Variants in TJP3 observed in about 807,000 individuals in gnomAD.
TJP3 encodes tight junction protein ZO-3.
Under a neutral mutation model 104.2 loss-of-function variants are expected in TJP3, and 85 were observed. The ratio of observed to expected loss-of-function variants is 0.82; its 90% confidence interval spans 0.68 to 0.98. The LOEUF (loss-of-function observed/expected upper bound fraction) is 0.98, where lower values mean the gene tolerates loss of function less well. Ranked by LOEUF, TJP3 falls within the 50% of genes least tolerant of loss-of-function variation. TJP3 has a pLI of 0.00. For missense variants in TJP3, 1,367 were observed against 1,322.8 expected (o/e 1.03, Z -0.52); for synonymous variants, 550 against 550.6 (o/e 1.00, Z 0.02).
At chr19:3,736,139 G>T in intron 10 of TJP3, 26 bp from the exon 11 acceptor site, 1 of 1,570,414 alleles carries the variant, frequency 6.4e-7, no homozygotes. Flanking sequence ...ACTCTGCTCT[G>T]ACCCCATCTC....
Position 3,738,988 on chromosome 19 carries a change from C to T in TJP3, c.1485C>T (p.Gly495=). 6.2e-7 allele frequency: 1 copy of T among 1,613,286 alleles called. No homozygotes were observed. The highest frequency in any genetic ancestry group is 1.1e-5 in the South Asian group (1 of 91,026). Residue 495 remains glycine, a synonymous_variant, in exon 13 of 21, where the codon GGC becomes GGT. Transcript: ENST00000541714. The part of the protein sequence containing the change: ...ELEPSPPSGL[G]FTRGDVFHVL... ...AGCCCAGTCCACCGTCTGGCCTGGG[C>T]TTCACCCGTGGCGACGTCTTCCACG... is the stretch of plus-strand genomic sequence containing the variant.
chr19:3,730,907 T>C lies in TJP3; in HGVS notation c.613+201T>C, dbSNP rs10408335. Among the ~76,000 whole-genome samples the C allele has an allele frequency of 0.067, 10,206 of 152,168 alleles. 1,091 individuals are homozygous for C. The highest frequency in any genetic ancestry group is 0.23 in the African/African-American group (9,676 of 41,474). Reference sequence around the variant, plus strand: ...TGTTGGCAAGGATGGTTTCGAATTCTTGACCTCAGGTGATTCACCCACCTC... The same window carrying C: ...TGTTGGCAAGGATGGTTTCGAATTCCTGACCTCAGGTGATTCACCCACCTC... On this transcript the variant is annotated intron_variant, in intron 5 of 20. Transcript: ENST00000541714. This position sits in a 1 kb window ranked among gnomAD's most constrained non-coding sequence, Gnocchi z 7.3.
Position 3,728,631 on chromosome 19 carries a change from A to G in TJP3, c.76A>G (p.Ile26Val). ...CCCCCGCCGGGGCTTTGGCATTGCG[A>G]TCTCTGGAGGCCGAGACCGGCCCGG... Reference protein sequence around the residue: ...KDPRRGFGIAISGGRDRPGGS... With the variant: ...KDPRRGFGIAVSGGRDRPGGS... The change falls in exon 3 of 21, where the codon ATC (isoleucine) becomes GTC (valine). Residue 26 changes from isoleucine to valine, a missense_variant. Physicochemically the swap from Ile to Val is conservative, Grantham distance 29. Transcript: ENST00000541714. 1 of 1,613,516 alleles carries G rather than the reference A, an allele frequency of 6.2e-7. No individual in the cohort carries two copies. Among genetic ancestry groups the G allele is most frequent in the Non-Finnish European group, 8.5e-7 (1 of 1,179,928 alleles).
Position 3,747,998 on chromosome 19 carries a change from G to A in TJP3, c.2527G>A (p.Ala843Thr), listed in dbSNP as rs956786058. ...VDDEPPAPAL[A>T]RSSEPVQADE... is the part of the protein sequence containing the mutation. ...TGATGAGCCCCCGGCTCCAGCCCTG[G>A]CCCGGTCCTCGGAGCCCGTGCAGGC... The change falls in exon 19 of 21, where the codon GCC becomes ACC. Residue 843 changes from alanine (A) to threonine (T), a missense_variant. Coordinates refer to ENST00000541714, the MANE Select transcript of TJP3 (RefSeq NM_001267560.2). 6 of 1,610,752 alleles carry A rather than the reference G, an allele frequency of 3.7e-6. No homozygotes were observed. Among genetic ancestry groups the A allele is most frequent in the Middle Eastern group, 1.6e-4 (1 of 6,062 alleles).
intron 1 of TJP3, among the ~76,000 whole-genome samples, chr19:3,725,144 C>T (rs575113809): frequency 1.3e-5 from 2 of 152,232 alleles, no homozygotes; most frequent in Non-Finnish European, 2.9e-5. Flanking sequence ...TGCCTGTGGT[C>T]CCAGCTACCT....
chr19:3,740,279 G>A (rs2036795840), intron 13 of TJP3, among the ~76,000 whole-genome samples: 1 of 150,926 alleles, frequency 6.6e-6, no homozygotes, highest in Admixed American at 6.6e-5. Context: ...GTGGTGGCGG[G>A]CACCTGTAAT....
At chr19:3,712,088 G>C (rs1430981795) in intron 1 of TJP3, among the ~76,000 whole-genome samples, 1 of 152,172 alleles carries the variant, frequency 6.6e-6, no homozygotes, top group African/African-American at 2.4e-5. Context: ...GGCCAAGGCA[G>C]GTGGGTCACT....
chr19:3,730,786 T>C lies in TJP3; in HGVS notation c.613+80T>C. 22 of 1,431,160 alleles carry C rather than the reference T, an allele frequency of 1.5e-5. No individual in the cohort carries two copies. Among genetic ancestry groups the C allele is most frequent in the Non-Finnish European group, 2.0e-5 (22 of 1,073,622 alleles). 88.7% of individuals were successfully genotyped at this position (1,431,160 alleles called of 1,614,324 possible). ...TCGGATGGGCGACGGTTTCAAGTGA[T>C]TCTCCTGCCTCAGCCTCCCTGGTGG... On this transcript the variant is annotated intron_variant, in intron 5 of 20. Coordinates refer to ENST00000541714, the MANE Select transcript of TJP3 (RefSeq NM_001267560.2). This position sits in a 1 kb window ranked among gnomAD's most constrained non-coding sequence, Gnocchi z 7.3.
chr19:3,748,917 G>T (rs1162076825), intron 19 of TJP3, among the ~76,000 whole-genome samples: 1 of 135,408 alleles, frequency 7.4e-6, no homozygotes, highest in African/African-American at 2.8e-5. Flanking sequence ...GGAGTGCAGT[G>T]GCACGATCTG....
chr19:3,750,164 G>C lies in TJP3; in HGVS notation c.2637G>C (p.Gln879His), dbSNP rs756664062. 3.3e-5 allele frequency: 53 copies of C among 1,613,798 alleles called. No homozygotes were observed. The highest frequency in any genetic ancestry group is 2.2e-4 in the South Asian group (20 of 91,054). ...AQVDSRHPQG[Q>H]WRQDSMRTYE... ...TGGACAGCCGCCACCCCCAGGGACA[G>C]TGGCGACAGGACAGCATGCGGTAAG... Residue 879 changes from glutamine to histidine, a missense_variant, in exon 20 of 21, where the codon CAG becomes CAC. Transcript: ENST00000541714.
intron 6 of TJP3, among the ~76,000 whole-genome samples, chr19:3,732,705 C>T (rs1171001739): frequency 6.6e-6 from 1 of 152,066 alleles, no homozygotes; most frequent in African/African-American, 2.4e-5. Context: ...AGACGGGTTT[C>T]TCCATGTTGG....
At chr19:3,708,908 G>T (rs866346178) in intron 1 of TJP3, among the ~76,000 whole-genome samples, 1 of 152,142 alleles carries the variant, frequency 6.6e-6, no homozygotes, top group Non-Finnish European at 1.5e-5. Context: ...CAGTCCAGAC[G>T]GAGCCTGGGT....
At chr19:3,748,129 T>C (rs765046216) in intron 19 of TJP3, 48 bp downstream of exon 19, 14 of 1,495,182 alleles carry the variant, frequency 9.4e-6, no homozygotes, top group Non-Finnish European at 9.8e-6. Flanking sequence ...CCGGAGGGGA[T>C]GCCAGCACAG....
chr19:3,727,402 G>A (rs371888196), intron 1 of TJP3, among the ~76,000 whole-genome samples: 21 of 148,802 alleles, frequency 1.4e-4, no homozygotes, highest in African/African-American at 4.7e-4. Flanking sequence ...AGAATCACTT[G>A]AACCTGGAAG....
Position 3,731,989 on chromosome 19 carries a change from G to C in TJP3, c.668G>C (p.Gly223Ala), listed in dbSNP as rs1294355970. 2 of 1,613,660 alleles carry C rather than the reference G, an allele frequency of 1.2e-6. No individual in the cohort carries two copies. The highest frequency in any genetic ancestry group is 2.2e-5 in the South Asian group (2 of 91,018). Residue 223 changes from glycine (G) to alanine (A), a missense_variant, in exon 6 of 21, where the codon GGC becomes GCC. Transcript: ENST00000541714. ...TTCATCAAGCACATTACAGATTCGG[G>C]CCTGGCTGCCCGGCACCGTGGGCTG... ...QIFIKHITDSGLAARHRGLQE... is the reference protein window; with the variant it reads ...QIFIKHITDSALAARHRGLQE...
At chr19:3,736,431 A>C (rs1383109606) in intron 11 of TJP3, 110 bp downstream of exon 11, 2 of 1,119,222 alleles carry the variant, frequency 1.8e-6, no homozygotes, top group African/African-American at 1.6e-5. Flanking sequence ...GACTGTCGAG[A>C]CCCCAGATGG....
rs757983996 is a variant in TJP3, at chr19:3,734,337, C to T, written c.888C>T (p.Asp296=). The part of the protein sequence containing the change: ...SDSSPLEDIS[D]LASELSQAPP... Reference sequence around the variant, plus strand: ...CCTCTCCCCCTGCAGACATCTCGGACCTCGCCTCGGAGCTATCGCAGGCAC... The same window carrying T: ...CCTCTCCCCCTGCAGACATCTCGGATCTCGCCTCGGAGCTATCGCAGGCAC... Residue 296 remains aspartate (D), a synonymous_variant, in exon 8 of 21, where the codon GAC becomes GAT. Transcript: ENST00000541714. 3 of 1,613,854 alleles carry T rather than the reference C, an allele frequency of 1.9e-6. No homozygotes were observed. The highest frequency in any genetic ancestry group is 3.3e-5 in the Admixed American group (2 of 60,000).
intron 1 of TJP3, among the ~76,000 whole-genome samples, chr19:3,723,863 A>C (rs2036569489): frequency 6.6e-6 from 1 of 151,336 alleles, no homozygotes; most frequent in Non-Finnish European, 1.5e-5. Context: ...ATAGGGGATC[A>C]GAGAAGACTG....
chr19:3,732,755 CCG>C (rs1265614566), intron 6 of TJP3, among the ~76,000 whole-genome samples: 3 of 151,928 alleles, frequency 2.0e-5, no homozygotes. Flanking sequence ...GTGATCCCCC[CCG>C]CTCGGCCTCC....
Sources: gnomAD v4.1 joint callset for allele counts (sites outside exome capture counted in the v4.1 genomes callset) on GRCh38, gnomAD v4.1.1 for gene constraint, Gnocchi (gnomAD v3.1) non-coding constraint, MANE v1.5 for transcripts, NCBI Gene and HGNC (gene_info 2026-07-23, HGNC 2026-07-21) for gene names.